CXCL8: variants seen among roughly 807,000 people sequenced by gnomAD.
CXCL8 encodes C-X-C motif chemokine ligand 8.
CXCL8 carries 12 observed loss-of-function variants against 10.9 expected under a neutral mutation model. That is an observed-to-expected ratio of 1.10 (90% CI 0.71 to 1.79). The LOEUF is 1.79. Among genes scored for constraint, CXCL8 ranks in the 40% most tolerant of loss-of-function variants. The pLI is 0.00. For synonymous variants in CXCL8, 41 were observed against 39.6 expected (o/e 1.03, Z -0.13); for missense variants, 145 against 113.4 (o/e 1.28, Z -1.26).
chr4:73,742,741 C>A lies in CXCL8; in HGVS notation c.*277C>A, dbSNP rs199733277. ...TATAAGGATTTTCCTAGATATTGCA[C>A]GGGAGAATATACAAATAGCAAAATT... On this transcript the variant is annotated 3_prime_UTR_variant, in exon 4 of 4. Coordinates refer to ENST00000307407, the MANE Select transcript of CXCL8 (RefSeq NM_000584.4). The A allele has an allele frequency of 4.4e-5, 13 of 293,610 alleles. No homozygotes were observed. Among genetic ancestry groups the A allele is most frequent in the Non-Finnish European group, 5.7e-5 (9 of 156,798 alleles). 18.2% of individuals were successfully genotyped at this position (293,610 alleles called of 1,614,324 possible).
At position 73,742,505 on chromosome 4, in the gene CXCL8, GC is replaced by G; in HGVS notation, c.*43del. 2.9e-6 allele frequency: 4 copies of G among 1,367,742 alleles called. No homozygotes were observed. The highest frequency in any genetic ancestry group is 2.6e-5 in the South Asian group (2 of 77,054). 84.7% of individuals were successfully genotyped at this position (1,367,742 alleles called of 1,614,324 possible). Reference sequence around the variant, plus strand: ...GTGGTATCCAAGAATCAGTGAAGATGCCAGTGAAACTTCAAGCAAATCTACT... The same window carrying G: ...GTGGTATCCAAGAATCAGTGAAGATGCAGTGAAACTTCAAGCAAATCTACT... On this transcript the variant is annotated 3_prime_UTR_variant, in exon 4 of 4. Transcript: ENST00000307407.
At position 73,742,952 on chromosome 4, in the gene CXCL8, C is replaced by T. The variant is rs1416523754; in HGVS notation, c.*488C>T. On this transcript the variant is annotated 3_prime_UTR_variant, in exon 4 of 4. Transcript: ENST00000307407. ...GCAACCCTAGTCTGCTAGCCAGGAT[C>T]CACAAGTCCTTGTTCCACTGTGCCT... is the stretch of plus-strand genomic sequence containing the variant. The T allele has an allele frequency of 4.3e-6, 1 of 231,286 alleles. No individual in the cohort carries two copies. The highest frequency in any genetic ancestry group is 8.6e-6 in the Non-Finnish European group (1 of 116,944). 14.3% of individuals were successfully genotyped at this position (231,286 alleles called of 1,614,324 possible).
rs1455274537 is a variant in CXCL8 at position 73,743,704 on chromosome 4, G to A, written c.*1240G>A. ...ATATGAAACATTTAAAATATAATTT[G>A]TTGTCAAAGTAATCAAGTGTTTGTC... is the stretch of plus-strand genomic sequence containing the variant. On this transcript the variant is annotated 3_prime_UTR_variant, in exon 4 of 4. Coordinates refer to ENST00000307407, the MANE Select transcript of CXCL8 (RefSeq NM_000584.4). 5.1e-6 allele frequency: 1 copy of A among 194,580 alleles called. No individual in the cohort carries two copies. Among genetic ancestry groups the A allele is most frequent in the Non-Finnish European group, 1.1e-5 (1 of 94,468 alleles). 12.1% of individuals were successfully genotyped at this position (194,580 alleles called of 1,614,324 possible).
At chr4:73,741,882 A>G (rs900837971) in intron 2 of CXCL8, 67 bp from the exon 3 acceptor site, 10 of 1,256,728 alleles carry the variant, frequency 8.0e-6, no homozygotes, top group Non-Finnish European at 1.2e-5. Context: ...TTTATGCCTG[A>G]CTTAAGGAAT....
Position 73,742,431 on chromosome 4 carries a change from T to A in CXCL8, c.285-18T>A, listed in dbSNP as rs761634810. ...TTATTAAACATAGCTCATCTTTATA[T>A]TTTTAATTTTATTTTAGGGCTGAGA... On this transcript the variant is annotated intron_variant, in intron 3 of 3. Transcript: ENST00000307407. 1.7e-5 allele frequency: 22 copies of A among 1,273,016 alleles called. No homozygotes were observed. In the South Asian group the frequency reaches 2.9e-4, roughly 17 times the overall value. 78.9% of individuals were successfully genotyped at this position (1,273,016 alleles called of 1,614,324 possible).
Position 73,740,952 on chromosome 4 carries a change from T to G in CXCL8, c.64+230T>G, listed in dbSNP as rs2227307. On this transcript the variant is annotated intron_variant, in intron 1 of 3. Coordinates refer to ENST00000307407, the MANE Select transcript of CXCL8 (RefSeq NM_000584.4). ...TATTCTGCTTTTATAATTTATACCA[T>G]GTAGCATGCATATATTTAACGTAAA... 0.44 allele frequency among the ~76,000 whole-genome samples: 67,446 copies of G among 151,958 alleles called. 15,055 individuals are homozygous for G. Among genetic ancestry groups the G allele is most frequent in the African/African-American group, 0.49 (20,389 of 41,438 alleles).
At position 73,742,769 on chromosome 4, in the gene CXCL8, G is replaced by T. The variant is rs1729216558; in HGVS notation, c.*305G>T. On this transcript the variant is annotated 3_prime_UTR_variant, in exon 4 of 4. Transcript: ENST00000307407. ...GAGAATATACAAATAGCAAAATTGA[G>T]GCCAAGGGCCAAGAGAATATCCGAA... The T allele has an allele frequency of 3.8e-6, 1 of 265,950 alleles. No homozygotes were observed. Among genetic ancestry groups the T allele is most frequent in the African/African-American group, 2.2e-5 (1 of 46,202 alleles). The allele number at this position is 265,950 out of a possible 1,614,324, so 16.5% of individuals were successfully genotyped here. A position where few individuals can be genotyped will look rare whatever the true frequency, so the allele number is the denominator to read the frequency against.
At chr4:73,741,778 T>C in intron 2 of CXCL8, 101 bp downstream of exon 2, 1 of 1,157,560 alleles carries the variant, frequency 8.6e-7, no homozygotes, top group Non-Finnish European at 1.2e-6. Flanking sequence ...ATTACAGTAG[T>C]AAATGAAACA....
chr4:73,742,377 T>C lies in CXCL8; in HGVS notation c.285-72T>C. 3 of 739,146 alleles carry C rather than the reference T, an allele frequency of 4.1e-6. 1 individual carries two copies. The highest frequency in any genetic ancestry group is 3.7e-5 in the South Asian group (2 of 54,264). 45.8% of individuals were successfully genotyped at this position (739,146 alleles called of 1,614,324 possible). ...TAACACATGAATGTCAAAGACTATA[T>C]TGACTTTTCAAGAACCCTACTTTCC... On this transcript the variant is annotated intron_variant, in intron 3 of 3. Transcript: ENST00000307407.
In CXCL8 at chr4:73,741,556, A is replaced by G; in HGVS notation, c.79A>G (p.Arg27Gly). The G allele has an allele frequency of 6.2e-7, 1 of 1,613,166 alleles. No individual in the cohort carries two copies. The highest frequency in any genetic ancestry group is 8.5e-7 in the Non-Finnish European group (1 of 1,179,612). Reference protein sequence around the residue: ...AALCEGAVLPRSAKELRCQCI... With the variant: ...AALCEGAVLPGSAKELRCQCI... ...TCCCCCAACAGGTGCAGTTTTGCCA[A>G]GGAGTGCTAAAGAACTTAGATGTCA... is the stretch of plus-strand genomic sequence containing the variant. The change falls in exon 2 of 4, where the codon AGG (arginine) becomes GGG (glycine). Residue 27 changes from arginine to glycine, a missense_variant. Physicochemically the swap from Arg to Gly is moderately radical, Grantham distance 125. Transcript: ENST00000307407.
Position 73,743,015 on chromosome 4 carries a change from C to T in CXCL8, c.*551C>T, listed in dbSNP as rs972922304. On this transcript the variant is annotated 3_prime_UTR_variant, in exon 4 of 4. Transcript: ENST00000307407. ...TATTTCTAAGTGGAAAAAGTATTAG[C>T]CACCATCTTACCTCACAGTGATGTT... The T allele has an allele frequency of 4.3e-6, 1 of 230,484 alleles. No individual in the cohort carries two copies. Among genetic ancestry groups the T allele is most frequent in the East Asian group, 6.2e-5 (1 of 16,186 alleles). 14.3% of individuals were successfully genotyped at this position (230,484 alleles called of 1,614,324 possible). A position where few individuals can be genotyped will look rare whatever the true frequency, so the allele number is the denominator to read the frequency against.
Position 73,742,455 on chromosome 4 carries a change from G to C in CXCL8, c.291G>C (p.Glu97Asp). 6.9e-7 allele frequency: 1 copy of C among 1,441,966 alleles called. No homozygotes were observed. The allele number at this position is 1,441,966 out of a possible 1,614,324, so 89.3% of individuals were successfully genotyped here. Residue 97 changes from glutamate (E) to aspartate (D), a missense_variant, in exon 4 of 4, where the codon GAG becomes GAC. Glu to Asp is a conservative substitution (Grantham distance 45). Coordinates refer to ENST00000307407, the MANE Select transcript of CXCL8 (RefSeq NM_000584.4). ...RVVEKFLKRA[E>D]NS ...ATTTTTAATTTTATTTTAGGGCTGA[G>C]AATTCATAAAAAAATTCATTCTCTG...
At position 73,742,504 on chromosome 4, in the gene CXCL8, T is replaced by C. The variant is rs1488012309; in HGVS notation, c.*40T>C. 7.3e-7 allele frequency: 1 copy of C among 1,377,630 alleles called. No individual in the cohort carries two copies. Among genetic ancestry groups the C allele is most frequent in the Non-Finnish European group, 1.0e-6 (1 of 987,316 alleles). The allele number at this position is 1,377,630 out of a possible 1,614,324, so 85.3% of individuals were successfully genotyped here. A position where few individuals can be genotyped will look rare whatever the true frequency, so the allele number is the denominator to read the frequency against. On this transcript the variant is annotated 3_prime_UTR_variant, in exon 4 of 4. Transcript: ENST00000307407. The stretch of plus-strand genomic sequence containing the variant: ...TGTGGTATCCAAGAATCAGTGAAGA[T>C]GCCAGTGAAACTTCAAGCAAATCTA...
chr4:73,741,498 G>T, intron 1 of CXCL8, 44 bp from the exon 2 acceptor site: 1 of 1,599,634 alleles, frequency 6.3e-7, no homozygotes, highest in Non-Finnish European at 8.5e-7. Flanking sequence ...GCAGAGCTGT[G>T]CCTGTTGATA....
rs757928567 is a variant in CXCL8 at position 73,740,615 on chromosome 4, C to T, written c.-44C>T. 2 of 1,574,670 alleles carry T rather than the reference C, an allele frequency of 1.3e-6. No individual in the cohort carries two copies. The highest frequency in any genetic ancestry group is 4.5e-5 in the East Asian group (2 of 44,408). The stretch of plus-strand genomic sequence containing the variant: ...AGCACACAAGCTTCTAGGACAAGAG[C>T]CAGGAAGAAACCACCGGAAGGAACC... On this transcript the variant is annotated 5_prime_UTR_variant, in exon 1 of 4. Coordinates refer to ENST00000307407, the MANE Select transcript of CXCL8 (RefSeq NM_000584.4).
rs1262865722 is a variant in CXCL8 at position 73,742,951 on chromosome 4, TC to T, written c.*489del. 4.3e-6 allele frequency: 1 copy of T among 231,378 alleles called. No individual in the cohort carries two copies. The highest frequency in any genetic ancestry group is 8.5e-6 in the Non-Finnish European group (1 of 116,962). 14.3% of individuals were successfully genotyped at this position (231,378 alleles called of 1,614,324 possible). A position where few individuals can be genotyped will look rare whatever the true frequency, so the allele number is the denominator to read the frequency against. On this transcript the variant is annotated 3_prime_UTR_variant, in exon 4 of 4. Coordinates refer to ENST00000307407, the MANE Select transcript of CXCL8 (RefSeq NM_000584.4). ...GGCAACCCTAGTCTGCTAGCCAGGATCCACAAGTCCTTGTTCCACTGTGCCT... is the reference window on the plus strand; with the variant it reads ...GGCAACCCTAGTCTGCTAGCCAGGATCACAAGTCCTTGTTCCACTGTGCCT...
rs941002139 is a variant in CXCL8 at position 73,743,022 on chromosome 4, C to T, written c.*558C>T. 2 of 230,312 alleles carry T rather than the reference C, an allele frequency of 8.7e-6. No homozygotes were observed. The highest frequency in any genetic ancestry group is 2.2e-5 in the African/African-American group (1 of 45,190). 14.3% of individuals were successfully genotyped at this position (230,312 alleles called of 1,614,324 possible). ...AAGTGGAAAAAGTATTAGCCACCAT[C>T]TTACCTCACAGTGATGTTGTGAGGA... On this transcript the variant is annotated 3_prime_UTR_variant, in exon 4 of 4. Coordinates refer to ENST00000307407, the MANE Select transcript of CXCL8 (RefSeq NM_000584.4).
chr4:73,741,828 T>C, intron 2 of CXCL8, 121 bp from the exon 3 acceptor site: 2 of 1,049,926 alleles, frequency 1.9e-6, no homozygotes, highest in Non-Finnish European at 2.9e-6. Flanking sequence ...CATTTAAATA[T>C]GGTAGCTTCC....
rs1366295314 is a variant in CXCL8 at position 73,741,633 on chromosome 4, G to C, written c.156G>C (p.Leu52=). The C allele has an allele frequency of 6.2e-7, 1 of 1,613,322 alleles. No individual in the cohort carries two copies. Among genetic ancestry groups the C allele is most frequent in the East Asian group, 2.2e-5 (1 of 44,852 alleles). ...TCCACCCCAAATTTATCAAAGAACTGAGAGTGATTGAGAGTGGACCACACT... is the reference window on the plus strand; with the variant it reads ...TCCACCCCAAATTTATCAAAGAACTCAGAGTGATTGAGAGTGGACCACACT... ...KPFHPKFIKE[L]RVIESGPHCA... The change falls in exon 2 of 4, where the codon CTG becomes CTC. Residue 52 remains leucine (L), a synonymous_variant. Transcript: ENST00000307407.
Sources: gnomAD v4.1 joint callset for allele counts (sites outside exome capture counted in the v4.1 genomes callset) on GRCh38, gnomAD v4.1.1 for gene constraint, MANE v1.5 for transcripts, NCBI Gene and HGNC (gene_info 2026-07-23, HGNC 2026-07-21) for gene names.